The following CA10 variants were observed in gnomAD, a reference collection of about 807,000 sequenced individuals.
CA10 encodes the protein carbonic anhydrase 10 (inactive).
A neutral mutation model predicts 44.2 loss-of-function variants in CA10; 14 were observed. The observed-to-expected ratio is 0.32, with a 90% CI of 0.21 to 0.50. The LOEUF is 0.50. Among genes scored for constraint, CA10 ranks in the 20% least tolerant of loss-of-function variants. The probability of loss-of-function intolerance (pLI) is 0.99; values close to 1 mark genes in which losing one functional copy is unlikely to be tolerated. For missense variants in CA10, 350 were observed against 409.7 expected (o/e 0.85, Z 1.26); for synonymous variants, 159 against 141.6 (o/e 1.12, Z -0.87).
intron 4 of CA10, among the ~76,000 whole-genome samples, chr17:51,731,545 T>G (rs1432252894): frequency 1.3e-5 from 2 of 151,246 alleles, no homozygotes; most frequent in African/African-American, 4.9e-5. Context: ...AGTCCTTGTT[T>G]TAACTATTCT....
intron 3 of CA10, among the ~76,000 whole-genome samples, chr17:51,782,641 A>T (rs934229113): frequency 2.6e-5 from 4 of 152,202 alleles, no homozygotes; most frequent in African/African-American, 9.6e-5. Flanking sequence ...TCCAGCGTCC[A>T]ACCCCCTTGA....
Position 51,671,554 on chromosome 17 carries a change from G to A in CA10, c.466-17818C>T, listed in dbSNP as rs552468380. 5.3e-5 allele frequency among the ~76,000 whole-genome samples: 8 copies of A among 152,162 alleles called. No individual in the cohort carries two copies. The South Asian group carries it at 1.0e-3, about 20-fold the overall frequency. Reference sequence around the variant, plus strand: ...TGAGTAGCTGGGACTATAGGTGCCCGCCACCACGCCTGGCTAATTTTTTGT... The same window carrying A: ...TGAGTAGCTGGGACTATAGGTGCCCACCACCACGCCTGGCTAATTTTTTGT... On this transcript the variant is annotated intron_variant, in intron 4 of 8. Transcript: ENST00000451037.
At position 51,738,570 on chromosome 17, in the gene CA10, T is replaced by C. The variant is rs79406954; in HGVS notation, c.465+9063A>G. ...TCTCACATTTATCTCAATCAGGCAC[T>C]ATTATGGCTCGCTCTCACATTGGTG... On this transcript the variant is annotated intron_variant, in intron 4 of 8. Coordinates refer to ENST00000451037, the MANE Select transcript of CA10 (RefSeq NM_020178.5). Among the ~76,000 whole-genome samples the C allele has an allele frequency of 3.4e-3, 511 of 152,338 alleles. 6 individuals are homozygous for C. Among genetic ancestry groups the C allele is most frequent in the Non-Finnish European group, 4.5e-3 (307 of 68,042 alleles).
chr17:51,684,191 G>T (rs1178228631), intron 4 of CA10, among the ~76,000 whole-genome samples: 1 of 152,200 alleles, frequency 6.6e-6, no homozygotes, highest in Admixed American at 6.5e-5. Flanking sequence ...AGTGTGATGA[G>T]TGTGAGAAGG....
At chr17:51,677,619 TA>T (rs957831077) in intron 4 of CA10, among the ~76,000 whole-genome samples, 9 of 151,818 alleles carry the variant, frequency 5.9e-5, no homozygotes, top group East Asian at 1.9e-4. Context: ...TGCTGATAAT[TA>T]AAAAAAACCA....
At chr17:51,935,817 G>A (rs1312173811) in intron 2 of CA10, among the ~76,000 whole-genome samples, 2 of 152,082 alleles carry the variant, frequency 1.3e-5, no homozygotes, top group South Asian at 4.1e-4. Flanking sequence ...AACACACCTT[G>A]GCAACGTCTG....
At chr17:51,649,300 G>A (rs773666645) in intron 5 of CA10, 46 bp from the exon 6 acceptor site, 312 of 1,322,922 alleles carry the variant, frequency 2.4e-4, no homozygotes, top group Non-Finnish European at 3.2e-4. Flanking sequence ...CACTCTTGCA[G>A]GACAAACATC....
intron 4 of CA10, among the ~76,000 whole-genome samples, chr17:51,717,657 GTATATATA>G (rs372083320): frequency 0.18 from 5,844 of 32,940 alleles, 1,064 homozygotes; most frequent in East Asian, 0.37. Flanking sequence ...ACATATATAC[GTATATATA>G]CATGTATATA....
intron 1 of CA10, chr17:52,134,757 C>T (rs2143361174): frequency 4.5e-5 from 20 of 445,406 alleles, no homozygotes; most frequent in South Asian, 3.2e-4. Flanking sequence ...CTCTGTGTGA[C>T]TCAAAGCAGA....
chr17:52,013,558 T>C (rs913940736), intron 2 of CA10, among the ~76,000 whole-genome samples: 4 of 151,706 alleles, frequency 2.6e-5, no homozygotes, highest in Admixed American at 6.6e-5. Context: ...CACAGAAACA[T>C]ATAGAAAAAT....
chr17:51,900,168 G>A (rs916657118), intron 3 of CA10, among the ~76,000 whole-genome samples: 1 of 152,064 alleles, frequency 6.6e-6, no homozygotes, highest in African/African-American at 2.4e-5. Context: ...GCCCATAATG[G>A]TCTTTCCTTT....
At chr17:52,003,578 T>C (rs1363546716) in intron 2 of CA10, among the ~76,000 whole-genome samples, 1 of 151,978 alleles carries the variant, frequency 6.6e-6, no homozygotes, top group African/African-American at 2.4e-5. Context: ...GCTACAATTT[T>C]GAATAGTAGA....
chr17:51,736,569 T>C (rs1269754638), intron 4 of CA10, among the ~76,000 whole-genome samples: 2 of 152,174 alleles, frequency 1.3e-5, no homozygotes, highest in Non-Finnish European at 2.9e-5. Flanking sequence ...TTTTGCCAAA[T>C]AGCTCCTGCA....
intron 2 of CA10, among the ~76,000 whole-genome samples, chr17:52,035,258 G>A (rs1424025538): frequency 6.6e-6 from 1 of 152,170 alleles, no homozygotes; most frequent in Non-Finnish European, 1.5e-5. Flanking sequence ...TCAGAGAGCA[G>A]CAGCTTGACT....
At chr17:51,706,029 A>T (rs1915752776) in intron 4 of CA10, among the ~76,000 whole-genome samples, 2 of 152,186 alleles carry the variant, frequency 1.3e-5, no homozygotes, top group Non-Finnish European at 2.9e-5. Flanking sequence ...TGGTTGAGGG[A>T]ATGTCAGACA....
rs79256736 is a variant in CA10 at position 52,140,631 on chromosome 17, C to G, written c.61+17095G>C. ...ATTTGGTCAGTGGGCCACTGTTTGTCAGCCCCTGCTCTAGAGTTCCAAAGA... is the reference window on the plus strand; with the variant it reads ...ATTTGGTCAGTGGGCCACTGTTTGTGAGCCCCTGCTCTAGAGTTCCAAAGA... On this transcript the variant is annotated intron_variant, in intron 1 of 8. Coordinates refer to ENST00000451037, the MANE Select transcript of CA10 (RefSeq NM_020178.5). 8.6e-3 allele frequency among the ~76,000 whole-genome samples: 1,303 copies of G among 152,296 alleles called. 29 individuals are homozygous for G. Among genetic ancestry groups the G allele is most frequent in the African/African-American group, 0.03 (1,240 of 41,570 alleles).
intron 3 of CA10, chr17:51,762,105 C>G (rs1905231439): frequency 6.6e-6 from 1 of 152,200 alleles, no homozygotes; most frequent in Non-Finnish European, 1.5e-5. Flanking sequence ...CTTGCCACTA[C>G]CTCATGAAGT....
intron 4 of CA10, among the ~76,000 whole-genome samples, chr17:51,654,590 T>C (rs573170539): frequency 4.3e-4 from 65 of 151,570 alleles, no homozygotes; most frequent in African/African-American, 1.5e-3. Flanking sequence ...GGAGTCTCGC[T>C]CTGTCACCCA....
At chr17:51,951,281 C>T (rs1337601830) in intron 2 of CA10, among the ~76,000 whole-genome samples, 1 of 152,136 alleles carries the variant, frequency 6.6e-6, no homozygotes, top group Non-Finnish European at 1.5e-5. Context: ...TTTTCTTTCT[C>T]CCTCCTGATT....
Sources: gnomAD v4.1 joint callset for allele counts (sites outside exome capture counted in the v4.1 genomes callset) on GRCh38, gnomAD v4.1.1 for gene constraint, MANE v1.5 for transcripts, NCBI Gene and HGNC (gene_info 2026-07-23, HGNC 2026-07-21) for gene names.